The following SIMC1 variants were observed in gnomAD, a reference collection of about 807,000 sequenced individuals.
SIMC1 encodes SUMO interacting motifs containing 1, also known as SUMO-interacting motif-containing protein 1.
A neutral mutation model predicts 82.3 loss-of-function variants in SIMC1; 55 were observed. That is an observed-to-expected ratio of 0.67 (90% CI 0.54 to 0.84). The LOEUF (loss-of-function observed/expected upper bound fraction) is 0.84. Among genes scored for constraint, SIMC1 ranks in the 40% least tolerant of loss-of-function variants. SIMC1 has a pLI of 0.00. For synonymous variants in SIMC1, 353 were observed against 426.3 expected, an observed-to-expected ratio of 0.83 and a Z score of 2.12; for missense variants, 915 against 1,107.2, an observed-to-expected ratio of 0.83 and a Z score of 2.46.
At chr5:176,333,107 C>T (rs1765736856) in intron 7 of SIMC1, among the ~76,000 whole-genome samples, 1 of 152,118 alleles carries the variant, frequency 6.6e-6, no homozygotes, top group Non-Finnish European at 1.5e-5. Flanking sequence ...AGTTCAAGAC[C>T]AGCCTGGCCA....
chr5:176,274,205 T>A (rs1762577581), intron 1 of SIMC1, among the ~76,000 whole-genome samples: 1 of 141,378 alleles, frequency 7.1e-6, no homozygotes, highest in Non-Finnish European at 1.6e-5. Flanking sequence ...TTCTAACTGG[T>A]GTGAGATGAT....
At chr5:176,327,394 A>G (rs1356817958) in intron 7 of SIMC1, among the ~76,000 whole-genome samples, 3 of 152,342 alleles carry the variant, frequency 2.0e-5, no homozygotes, top group East Asian at 1.9e-4. Flanking sequence ...TGACAAATGC[A>G]TATACCTTCT....
intron 1 of SIMC1, chr5:176,261,002 T>C (rs2113145621): frequency 6.6e-6 from 1 of 152,252 alleles, no homozygotes; most frequent in African/African-American, 2.4e-5. Flanking sequence ...ACGTTCTTTG[T>C]TTTTTTCTTT....
chr5:176,258,977 A>G (rs1484786048), intron 1 of SIMC1, among the ~76,000 whole-genome samples: 1 of 151,102 alleles, frequency 6.6e-6, no homozygotes. Flanking sequence ...TCTTTTAATA[A>G]CAGCTTTATT....
intron 1 of SIMC1, among the ~76,000 whole-genome samples, chr5:176,262,773 C>T (rs1762061276): frequency 6.6e-6 from 1 of 152,110 alleles, no homozygotes; most frequent in Non-Finnish European, 1.5e-5. Context: ...CCACTGCGCC[C>T]CAGCCTGGGT....
chr5:176,309,350 C>T (rs1377700329), intron 4 of SIMC1, among the ~76,000 whole-genome samples: 1 of 152,176 alleles, frequency 6.6e-6, no homozygotes, highest in Non-Finnish European at 1.5e-5. Context: ...CTACTTAAAC[C>T]TCACATCTTA....
intron 1 of SIMC1, among the ~76,000 whole-genome samples, chr5:176,249,318 G>T (rs988214351): frequency 4.6e-5 from 7 of 151,972 alleles, no homozygotes; most frequent in Non-Finnish European, 1.0e-4. Flanking sequence ...ACTTCTTCCT[G>T]GTTTAGTCTT....
chr5:176,288,438 TAAA>T (rs1763395278), intron 1 of SIMC1, among the ~76,000 whole-genome samples: 1 of 151,492 alleles, frequency 6.6e-6, no homozygotes, highest in African/African-American at 2.4e-5. Flanking sequence ...AATAAATAAA[TAAA>T]TAAATAAATA....
chr5:176,248,968 A>G (rs975519814), intron 1 of SIMC1, among the ~76,000 whole-genome samples: 4 of 152,130 alleles, frequency 2.6e-5, no homozygotes, highest in African/African-American at 9.7e-5. Context: ...ATCGTGGTGG[A>G]TAAGCTTTTT....
At chr5:176,245,953 TCAG>T (rs759105550) in intron 1 of SIMC1, among the ~76,000 whole-genome samples, 7 of 152,088 alleles carry the variant, frequency 4.6e-5, no homozygotes, top group Non-Finnish European at 8.8e-5. Flanking sequence ...GTGGTACTTA[TCAG>T]GCATTTGTGC....
Position 176,345,441 on chromosome 5 carries a change from C to T in SIMC1, c.2672C>T (p.Ser891Phe). 6.2e-7 allele frequency: 1 copy of T among 1,611,666 alleles called. No homozygotes were observed. Among genetic ancestry groups the T allele is most frequent in the African/African-American group, 1.3e-5 (1 of 74,852 alleles). ...AEPFQKGWSG[S>F] is the part of the protein sequence containing the mutation. ...CCCTTTCAAAAGGGCTGGAGCGGCT[C>T]CTGAGGGCCTGCCAAGCACTGAATG... The change falls in exon 10 of 10, where the codon TCC (serine) becomes TTC (phenylalanine). Residue 891 changes from serine to phenylalanine, a missense_variant. Around this residue, in one of 2 missense-constraint regions of SIMC1, gnomAD observed 902 missense variants for 1,040.3 expected, o/e 0.87. Coordinates refer to ENST00000429602, the MANE Select transcript of SIMC1 (RefSeq NM_001308195.2).
chr5:176,335,273 C>CTTTTTTTTTTTTT (rs1225021593), intron 7 of SIMC1, among the ~76,000 whole-genome samples: 24 of 98,642 alleles, frequency 2.4e-4, no homozygotes, highest in Non-Finnish European at 2.8e-4. Context: ...TTCTTTGTAT[C>CTTTTTTTTTTTTT]TTTTTTTTTT....
At chr5:176,276,376 A>C (rs1762697390) in intron 1 of SIMC1, among the ~76,000 whole-genome samples, 1 of 150,622 alleles carries the variant, frequency 6.6e-6, no homozygotes. Context: ...TTTCTTTATT[A>C]GTCTTGCTAG....
chr5:176,265,325 T>A (rs2560164), intron 1 of SIMC1, among the ~76,000 whole-genome samples: 3 of 152,088 alleles, frequency 2.0e-5, no homozygotes, highest in Admixed American at 6.5e-5. Context: ...GCCCTGCTAG[T>A]CAGGCTGGCA....
At chr5:176,299,405 A>AT (rs1763949808) in intron 4 of SIMC1, among the ~76,000 whole-genome samples, 1 of 152,058 alleles carries the variant, frequency 6.6e-6, no homozygotes, top group African/African-American at 2.4e-5. Context: ...AAAAAAAAAA[A>AT]AGAAATAAAG....
At chr5:176,261,342 T>A (rs1694447776) in intron 1 of SIMC1, among the ~76,000 whole-genome samples, 1 of 152,242 alleles carries the variant, frequency 6.6e-6, no homozygotes, top group African/African-American at 2.4e-5. Context: ...TGAATCATCT[T>A]ATCTGTTACT....
chr5:176,313,429 C>G, intron 4 of SIMC1: 1 of 1,548,794 alleles, frequency 6.5e-7, no homozygotes, highest in Non-Finnish European at 8.7e-7. Context: ...CTGCAGATGC[C>G]TAGATCCTTT....
At position 176,295,244 on chromosome 5, in the gene SIMC1, T is replaced by G; in HGVS notation, c.1646T>G (p.Leu549Arg). The change falls in exon 3 of 10, where the codon CTT (leucine) becomes CGT (arginine). Residue 549 changes from leucine (L) to arginine (R), a missense_variant. Leu to Arg is a moderately radical substitution (Grantham distance 102, BLOSUM62 -2). This residue lies in a region of SIMC1 where 902 missense variants were observed against 1,040.3 expected (regional missense o/e 0.87). Coordinates refer to ENST00000429602, the MANE Select transcript of SIMC1 (RefSeq NM_001308195.2). ...GATGTCCTAAAGGAGGCCTACATGC[T>G]TCTCATGAAAATTCAACAGTATGAA... ...TVDVLKEAYMLLMKIQQLHPA... is the reference protein window; with the variant it reads ...TVDVLKEAYMRLMKIQQLHPA... The G allele has an allele frequency of 6.2e-7, 1 of 1,612,820 alleles. No individual in the cohort carries two copies. The highest frequency in any genetic ancestry group is 8.5e-7 in the Non-Finnish European group (1 of 1,179,292).
intron 1 of SIMC1, among the ~76,000 whole-genome samples, chr5:176,249,499 CT>C (rs1761568529): frequency 6.6e-6 from 1 of 151,892 alleles, no homozygotes; most frequent in South Asian, 2.1e-4. Context: ...CTCTTTTCTT[CT>C]TTATTAGTCT....
Sources: allele counts gnomAD v4.1 joint callset (sites outside exome capture counted in the v4.1 genomes callset), GRCh38; gene constraint gnomAD v4.1.1; regional missense constraint gnomAD v4.1.1; transcripts MANE v1.5; gene names NCBI Gene and HGNC (gene_info 2026-07-23, HGNC 2026-07-21).